Variants in SIDT1 observed in about 807,000 individuals in gnomAD.
The protein encoded by SIDT1 is SID1 transmembrane family member 1, also known as SID1 transmembrane family, member 1.
A neutral mutation model predicts 107.5 loss-of-function variants in SIDT1; 101 were observed. That is an observed-to-expected ratio of 0.94 (90% confidence interval 0.80 to 1.11). The LOEUF (loss-of-function observed/expected upper bound fraction) is 1.11, where lower values mean the gene tolerates loss of function less well. SIDT1 is among the 50% of genes least tolerant of loss of function. SIDT1 has a pLI of 0.00. For synonymous variants in SIDT1, 395 were observed against 398.2 expected (o/e 0.99, Z 0.10); for missense variants, 1,076 against 1,058.2 (o/e 1.02, Z -0.23).
rs1351753545 is a variant in SIDT1, at chr3:113,567,695, A to G, written c.500A>G (p.Lys167Arg). ...TACAAACTGCTAGTTACCAAGCTGA[A>G]GCACTTCCAGCTCCGGTAAGCGGGA... is the stretch of plus-strand genomic sequence containing the variant. ...AQYKLLVTKL[K>R]HFQLRTNVAF... is the part of the protein sequence containing the mutation. Residue 167 changes from lysine (K) to arginine (R), a missense_variant, in exon 3 of 25, where the codon AAG becomes AGG. By Grantham distance (26) the Lys-to-Arg change is conservative. Coordinates refer to ENST00000264852, the MANE Select transcript of SIDT1 (RefSeq NM_017699.3). 21 of 1,613,680 alleles carry G rather than the reference A, an allele frequency of 1.3e-5. No individual in the cohort carries two copies. Among genetic ancestry groups the G allele is most frequent in the Non-Finnish European group, 1.8e-5 (21 of 1,179,898 alleles).
chr3:113,612,034 G>T, intron 18 of SIDT1, 52 bp from the exon 19 acceptor site: 2 of 1,311,244 alleles, frequency 1.5e-6, no homozygotes, highest in Non-Finnish European at 2.2e-6. Flanking sequence ...TGATTTTGAT[G>T]AGTTTTCTAG....
At chr3:113,557,034 G>C (rs1940952638) in intron 1 of SIDT1, among the ~76,000 whole-genome samples, 1 of 151,964 alleles carries the variant, frequency 6.6e-6, no homozygotes, top group African/African-American at 2.4e-5. Context: ...GGTCAGGCTG[G>C]TCTCGACCTC....
downstream of SIDT1, among the ~76,000 whole-genome samples, chr3:113,633,743 C>T (rs372443862): frequency 3.9e-5 from 6 of 152,120 alleles, no homozygotes; most frequent in East Asian, 1.2e-3. Flanking sequence ...CTGCAGAAGG[C>T]CGTTTCAGTG....
At chr3:113,593,241 G>A (rs765748055) in intron 10 of SIDT1, among the ~76,000 whole-genome samples, 193 bp downstream of exon 10, 1 of 152,210 alleles carries the variant, frequency 6.6e-6, no homozygotes, top group African/African-American at 2.4e-5. Context: ...GAGGTCCCAA[G>A]CCCTAGGCCG....
chr3:113,542,167 C>T (rs1317670907), intron 1 of SIDT1, among the ~76,000 whole-genome samples: 1 of 152,172 alleles, frequency 6.6e-6, no homozygotes. Context: ...AGGAGATCCA[C>T]CTGCCTCAGA....
intron 10 of SIDT1, among the ~76,000 whole-genome samples, chr3:113,599,394 G>A (rs946866662): frequency 6.6e-6 from 1 of 152,236 alleles, no homozygotes; most frequent in South Asian, 2.1e-4. Flanking sequence ...AGATGCAAAT[G>A]AGCCTCAACC....
chr3:113,605,149 G>T (rs138891797), intron 14 of SIDT1, among the ~76,000 whole-genome samples, 173 bp downstream of exon 14: 2,878 of 26,950 alleles, frequency 0.11, 116 homozygotes, highest in African/African-American at 0.22. Flanking sequence ...TTTTGACGGA[G>T]TCTCGCTCTG....
intron 5 of SIDT1, among the ~76,000 whole-genome samples, chr3:113,580,964 G>A (rs1943282608): frequency 6.6e-6 from 1 of 152,142 alleles, no homozygotes; most frequent in Non-Finnish European, 1.5e-5. Flanking sequence ...AAGCAGGGAA[G>A]GATTGTAACA....
At chr3:113,539,731 G>A (rs1274250237) in intron 1 of SIDT1, among the ~76,000 whole-genome samples, 1 of 152,118 alleles carries the variant, frequency 6.6e-6, no homozygotes, top group Non-Finnish European at 1.5e-5. Context: ...TTGAGGTTGG[G>A]TAATTTATAA....
At chr3:113,622,289 C>A (rs1946509375) in intron 21 of SIDT1, among the ~76,000 whole-genome samples, 2 of 151,396 alleles carry the variant, frequency 1.3e-5, no homozygotes, top group Non-Finnish European at 2.9e-5. Context: ...ATGGTGAAAC[C>A]CCGTCTCTAC....
Position 113,563,191 on chromosome 3 carries a change from G to A in SIDT1, c.223-3229G>A, listed in dbSNP as rs191288079. Among the ~76,000 whole-genome samples the A allele has an allele frequency of 4.3e-3, 657 of 152,340 alleles. 2 individuals carry two copies. Among genetic ancestry groups the A allele is most frequent in the South Asian group, 9.9e-3 (48 of 4,826 alleles). ...GAGACGAAGGCACAGAAGACATCAA[G>A]AAGAGGCTTGAGGGATTCAACTCCG... On this transcript the variant is annotated intron_variant, in intron 1 of 24. Transcript: ENST00000264852.
chr3:113,583,480 A>C lies in SIDT1; in HGVS notation c.819A>C (p.Gly273=), dbSNP rs1049528071. 1.3e-6 allele frequency: 2 copies of C among 1,594,496 alleles called. No individual in the cohort carries two copies. The highest frequency in any genetic ancestry group is 1.7e-6 in the Non-Finnish European group (2 of 1,166,304). Reference sequence around the variant, plus strand: ...AGCCTGAAGATTATGCCTGTGGAGGATCTTTCTTCATCCAGGGTAAGAGCT... The same window carrying C: ...AGCCTGAAGATTATGCCTGTGGAGGCTCTTTCTTCATCCAGGGTAAGAGCT... ...VIKPEDYACG[G]SFFIQEKENQ... Residue 273 remains glycine, a synonymous_variant, in exon 7 of 25, where the codon GGA becomes GGC. Coordinates refer to ENST00000264852, the MANE Select transcript of SIDT1 (RefSeq NM_017699.3).
At chr3:113,541,202 C>G (rs1448020836) in intron 1 of SIDT1, among the ~76,000 whole-genome samples, 1 of 152,022 alleles carries the variant, frequency 6.6e-6, no homozygotes, top group African/African-American at 2.4e-5. Context: ...TGACATTTCT[C>G]TCTGTCACCC....
chr3:113,597,940 C>T (rs901108939), intron 10 of SIDT1, among the ~76,000 whole-genome samples: 41 of 152,124 alleles, frequency 2.7e-4, no homozygotes, highest in African/African-American at 7.7e-4. Context: ...CCATACTTGA[C>T]GTTTAGAAGG....
At chr3:113,566,342 G>A in intron 1 of SIDT1, 78 bp from the exon 2 acceptor site, 2 of 879,480 alleles carry the variant, frequency 2.3e-6, no homozygotes, top group Non-Finnish European at 3.2e-6. Flanking sequence ...GTGTGTTTGT[G>A]TGTGTGTGTG....
At chr3:113,633,813 G>T (rs548015360), downstream of SIDT1, among the ~76,000 whole-genome samples, 1 of 152,184 alleles carries the variant, frequency 6.6e-6, no homozygotes, top group Non-Finnish European at 1.5e-5. Context: ...TGGTGTGATA[G>T]GTTTGATCTT....
downstream of SIDT1, among the ~76,000 whole-genome samples, chr3:113,634,540 A>G (rs1947111676): frequency 6.6e-6 from 1 of 152,194 alleles, no homozygotes; most frequent in Admixed American, 6.5e-5. Flanking sequence ...CCACACCTAT[A>G]ATCCCAGTAC....
downstream of SIDT1, among the ~76,000 whole-genome samples, chr3:113,632,474 A>G (rs902033635): frequency 5.3e-5 from 8 of 152,224 alleles, no homozygotes; most frequent in African/African-American, 1.9e-4. Context: ...TTGAGGAAAC[A>G]GGACATATTT....
In SIDT1 at chr3:113,576,976, A is replaced by C; in HGVS notation, c.561+9A>C. On this transcript the variant is annotated intron_variant, in intron 4 of 24. Transcript: ENST00000264852. ...GCCCCTCTCAACCTCAGGTAAGTGA[A>C]GGGGTTCCAAGAGTTATCAACATCC... The C allele has an allele frequency of 3.7e-6, 6 of 1,613,866 alleles. No homozygotes were observed. Among genetic ancestry groups the C allele is most frequent in the Non-Finnish European group, 5.1e-6 (6 of 1,179,714 alleles).
Sources: allele counts gnomAD v4.1 joint callset (sites outside exome capture counted in the v4.1 genomes callset), GRCh38; gene constraint gnomAD v4.1.1; transcripts MANE v1.5; gene names NCBI Gene and HGNC (gene_info 2026-07-23, HGNC 2026-07-21).